Variants in CMSS1 observed in about 807,000 individuals in gnomAD.
The protein encoded by CMSS1 is cms1 ribosomal small subunit homolog, also known as protein CMSS1.
A neutral mutation model predicts 43.5 loss-of-function variants in CMSS1; 33 were observed. That is an observed-to-expected ratio of 0.76 (90% CI 0.57 to 1.01). The LOEUF is 1.01. Among genes scored for constraint, CMSS1 ranks in the 50% least tolerant of loss-of-function variants. The probability of loss-of-function intolerance (pLI) is 0.00; values close to 1 mark genes in which losing one functional copy is unlikely to be tolerated. For missense variants in CMSS1, 313 were observed against 326.4 expected, an observed-to-expected ratio of 0.96 and a Z score of 0.32; for synonymous variants, 115 against 117.2, an observed-to-expected ratio of 0.98 and a Z score of 0.12.
At chr3:100,064,727 C>G (rs1005058108) in intron 1 of CMSS1, among the ~76,000 whole-genome samples, 3 of 152,190 alleles carry the variant, frequency 2.0e-5, no homozygotes, top group Non-Finnish European at 2.9e-5. Flanking sequence ...GTTGGCAAAT[C>G]ATACTCATCT....
Position 100,178,299 on chromosome 3 carries a change from A to G in CMSS1, c.757-6A>G. On this transcript the variant is annotated splice_region_variant and splice_polypyrimidine_tract_variant and intron_variant, in intron 9 of 9. Coordinates refer to ENST00000421999, the MANE Select transcript of CMSS1 (RefSeq NM_032359.4). ...ATCTTTTTTTCCCCCCTTTTCTCTCATTTAGATAAGAAAGGAGGTATTCGA... is the reference window on the plus strand; with the variant it reads ...ATCTTTTTTTCCCCCCTTTTCTCTCGTTTAGATAAGAAAGGAGGTATTCGA... 6.3e-7 allele frequency: 1 copy of G among 1,594,598 alleles called. No homozygotes were observed. The highest frequency in any genetic ancestry group is 8.6e-7 in the Non-Finnish European group (1 of 1,163,048).
Position 100,054,490 on chromosome 3 carries a change from T to TTGTTATGTTATGTTATGTTA in CMSS1, c.65-92449_65-92430dup, listed in dbSNP as rs10668094. Among the ~76,000 whole-genome samples, 129 of 146,184 alleles carry TTGTTATGTTATGTTATGTTA rather than the reference T, an allele frequency of 8.8e-4. 1 individual carries two copies. The highest frequency in any genetic ancestry group is 2.3e-3 in the South Asian group (10 of 4,438). ...TTCGTTCATTATATTATGTTATGTTTTGTTATGTTATGTTATGTTATGTTA... is the reference window on the plus strand; with the variant it reads ...TTCGTTCATTATATTATGTTATGTTTTGTTATGTTATGTTATGTTATGTTATGTTATGTTATGTTATGTTA... On this transcript the variant is annotated intron_variant, in intron 1 of 9. Coordinates refer to ENST00000421999, the MANE Select transcript of CMSS1 (RefSeq NM_032359.4).
chr3:100,166,948 A>G (rs1479920221), intron 5 of CMSS1, among the ~76,000 whole-genome samples: 1 of 151,148 alleles, frequency 6.6e-6, no homozygotes, highest in Non-Finnish European at 1.5e-5. Flanking sequence ...GGGTCTTTCT[A>G]TGTTGCCCAG....
intron 1 of CMSS1, among the ~76,000 whole-genome samples, chr3:99,899,623 AC>A (rs1706370689): frequency 6.6e-6 from 1 of 152,222 alleles, no homozygotes; most frequent in Non-Finnish European, 1.5e-5. Context: ...AGGACAAAGT[AC>A]TAGGAATCTG....
chr3:100,001,681 C>T (rs1709846378), intron 1 of CMSS1, among the ~76,000 whole-genome samples: 1 of 152,086 alleles, frequency 6.6e-6, no homozygotes, highest in Admixed American at 6.6e-5. Flanking sequence ...CTCTTCTTTC[C>T]TCTCCCAAAA....
intron 1 of CMSS1, among the ~76,000 whole-genome samples, chr3:100,135,150 G>T (rs2066740534): frequency 6.6e-6 from 1 of 152,152 alleles, no homozygotes; most frequent in East Asian, 1.9e-4. Flanking sequence ...TTCCAAGAAT[G>T]AAGAATTTAT....
At chr3:100,046,009 T>C (rs547107661) in intron 1 of CMSS1, among the ~76,000 whole-genome samples, 2 of 152,124 alleles carry the variant, frequency 1.3e-5, no homozygotes, top group Non-Finnish European at 1.5e-5. Flanking sequence ...AATGGAAACA[T>C]GTTTGCCACA....
chr3:100,016,824 T>C (rs1165098893), intron 1 of CMSS1, among the ~76,000 whole-genome samples: 1 of 152,234 alleles, frequency 6.6e-6, no homozygotes, highest in Non-Finnish European at 1.5e-5. Flanking sequence ...TAATAGTGCT[T>C]CTAGGAACAG....
intron 1 of CMSS1, among the ~76,000 whole-genome samples, chr3:100,118,919 C>T (rs1328577014): frequency 6.6e-6 from 1 of 152,088 alleles, no homozygotes; most frequent in Admixed American, 6.5e-5. Flanking sequence ...GACCAAGCAA[C>T]CAAATAAAGA....
chr3:99,834,245 T>C (rs1338709057), intron 1 of CMSS1, among the ~76,000 whole-genome samples: 1 of 152,278 alleles, frequency 6.6e-6, no homozygotes, highest in African/African-American at 2.4e-5. Flanking sequence ...TGTTTGATTT[T>C]ATTAGCTCAT....
intron 1 of CMSS1, among the ~76,000 whole-genome samples, chr3:99,826,339 A>G (rs1446897161): frequency 2.6e-5 from 4 of 152,188 alleles, no homozygotes; most frequent in African/African-American, 7.2e-5. Flanking sequence ...CTTTTTTCAT[A>G]TAAATCCAGA....
At chr3:100,122,361 A>G (rs985667674) in intron 1 of CMSS1, among the ~76,000 whole-genome samples, 1 of 152,208 alleles carries the variant, frequency 6.6e-6, no homozygotes, top group Non-Finnish European at 1.5e-5. Context: ...TGAAGACTCA[A>G]GATCTTCCAT....
intron 1 of CMSS1, among the ~76,000 whole-genome samples, chr3:100,058,274 G>A (rs2065499708): frequency 6.6e-6 from 1 of 152,182 alleles, no homozygotes; most frequent in African/African-American, 2.4e-5. Flanking sequence ...TTCAAGGCAC[G>A]GAACAGAGTT....
intron 1 of CMSS1, among the ~76,000 whole-genome samples, chr3:100,061,535 A>G (rs1019626288): frequency 2.0e-5 from 3 of 152,244 alleles, no homozygotes; most frequent in Non-Finnish European, 4.4e-5. Flanking sequence ...AATGAAAAGA[A>G]GAAGAGAAAG....
chr3:99,957,693 C>CTTTTGTTTTTTTTTTTTTTTTTTT (rs1708365007), intron 1 of CMSS1, among the ~76,000 whole-genome samples: 1 of 19,894 alleles, frequency 5.0e-5, no homozygotes, highest in Non-Finnish European at 1.1e-4. Flanking sequence ...TTCTTTCTTT[C>CTTTTGTTTTTTTTTTTTTTTTTTT]TTTTTTTTTT....
chr3:99,907,934 CAGTA>C (rs1706674097), intron 1 of CMSS1, among the ~76,000 whole-genome samples: 1 of 152,162 alleles, frequency 6.6e-6, no homozygotes, highest in African/African-American at 2.4e-5. Context: ...GGAAGGAACT[CAGTA>C]AGCATTTTGA....
chr3:99,930,213 C>T (rs1707433593), intron 1 of CMSS1, among the ~76,000 whole-genome samples: 1 of 152,122 alleles, frequency 6.6e-6, no homozygotes, highest in South Asian at 2.1e-4. Context: ...AGTCTAATTA[C>T]ACAATTAATG....
chr3:100,029,027 A>C (rs2064977411), intron 1 of CMSS1, among the ~76,000 whole-genome samples: 1 of 152,118 alleles, frequency 6.6e-6, no homozygotes, highest in East Asian at 1.9e-4. Context: ...ATTTTTCTTT[A>C]AAAAAAATTT....
chr3:100,056,958 C>T (rs375760750), intron 1 of CMSS1, among the ~76,000 whole-genome samples: 22 of 152,060 alleles, frequency 1.4e-4, no homozygotes, highest in African/African-American at 5.1e-4. Context: ...GAGCCGAGAT[C>T]GCACCACTGC....
Sources: gnomAD v4.1 joint callset for allele counts (sites outside exome capture counted in the v4.1 genomes callset) on GRCh38, gnomAD v4.1.1 for gene constraint, MANE v1.5 for transcripts, NCBI Gene and HGNC (gene_info 2026-07-23, HGNC 2026-07-21) for gene names.